The following RP1 variants were observed in gnomAD, a reference collection of about 807,000 sequenced individuals.
The protein encoded by RP1 is oxygen-regulated protein 1.
Under a neutral mutation model 14.8 loss-of-function variants are expected in RP1, and 16 were observed. The observed-to-expected ratio is 1.08, with a 90% CI of 0.73 to 1.65. RP1 has a LOEUF of 1.65. RP1 is among the 40% of genes most tolerant of loss of function. The pLI, the probability that RP1 is intolerant of heterozygous loss-of-function variation, is 0.00. For missense variants in RP1, 2,631 were observed against 2,535.0 expected, an observed-to-expected ratio of 1.04 and a Z score of -0.81; for synonymous variants, 876 against 883.6, an observed-to-expected ratio of 0.99 and a Z score of 0.15.
intron 1 of RP1, among the ~76,000 whole-genome samples, chr8:54,570,398 G>A (rs1012628606): frequency 4.7e-5 from 7 of 149,284 alleles, no homozygotes; most frequent in South Asian, 2.1e-4. Flanking sequence ...GTGTGATCTC[G>A]GCTCACTGCA....
At chr8:54,624,537 G>A (rs1251423867) in intron 3 of RP1, 133 bp from the exon 4 acceptor site, 6 of 792,078 alleles carry the variant, frequency 7.6e-6, no homozygotes, top group South Asian at 1.6e-5. Context: ...CAGAAAATAT[G>A]CTACTTTTCA....
At chr8:54,692,777 C>T (rs1807746745) in intron 12 of RP1, among the ~76,000 whole-genome samples, 1 of 150,954 alleles carries the variant, frequency 6.6e-6, no homozygotes, top group South Asian at 2.1e-4. Flanking sequence ...TGCCTGTTCA[C>T]TCTGATTGTG....
intron 24 of RP1, among the ~76,000 whole-genome samples, chr8:54,790,581 A>C (rs1585694907): frequency 6.6e-6 from 1 of 151,738 alleles, no homozygotes; most frequent in Admixed American, 6.6e-5. Context: ...AAAAAAAGGT[A>C]GACAACTAAA....
downstream of RP1, chr8:54,630,873 G>C (rs1215699225): frequency 1.0e-6 from 1 of 967,836 alleles, no homozygotes; most frequent in Non-Finnish European, 1.2e-6. Flanking sequence ...AGAATATCCA[G>C]TGAAATTGCA....
At chr8:54,658,395 CA>C (rs1217935341) in intron 6 of RP1, among the ~76,000 whole-genome samples, 3 of 150,604 alleles carry the variant, frequency 2.0e-5, no homozygotes, top group African/African-American at 7.4e-5. Context: ...ACTAAAAATA[CA>C]AAAAAATAGC....
intron 23 of RP1, among the ~76,000 whole-genome samples, chr8:54,775,698 A>G (rs977870253): frequency 1.3e-5 from 2 of 152,212 alleles, no homozygotes; most frequent in Non-Finnish European, 2.9e-5. Context: ...AATGATTGTC[A>G]TTGTTTTGCG....
chr8:54,852,852 G>A, intron 26 of RP1: 1 of 659,746 alleles, frequency 1.5e-6, no homozygotes, highest in East Asian at 3.4e-5. Context: ...ATTCAGGGAG[G>A]TGTGGTCATT....
intron 5 of RP1, among the ~76,000 whole-genome samples, chr8:54,655,857 A>AATAC (rs1806744126): frequency 6.6e-6 from 1 of 151,994 alleles, no homozygotes; most frequent in East Asian, 1.9e-4. Context: ...GTCTCAAATA[A>AATAC]ATAAATAAAT....
At chr8:54,613,319 G>T (rs189896544), upstream of RP1, among the ~76,000 whole-genome samples, 10 of 152,266 alleles carry the variant, frequency 6.6e-5, no homozygotes, top group East Asian at 1.9e-3. Flanking sequence ...TCCTGATATA[G>T]TCTGATCTCT....
downstream of RP1, among the ~76,000 whole-genome samples, chr8:54,771,676 A>G (rs966531073): frequency 1.3e-5 from 2 of 152,080 alleles, no homozygotes; most frequent in Admixed American, 1.3e-4. Flanking sequence ...ATACAATGTC[A>G]TTGTGAATGG....
chr8:54,678,564 A>C, intron 9 of RP1: 1 of 1,518,244 alleles, frequency 6.6e-7, no homozygotes, highest in African/African-American at 1.4e-5. Context: ...TACATCGAAA[A>C]AATCCATTTC....
At chr8:54,780,237 G>A in intron 23 of RP1, among the ~76,000 whole-genome samples, 1 of 152,218 alleles carries the variant, frequency 6.6e-6, no homozygotes, top group East Asian at 1.9e-4. Flanking sequence ...ACAAAAACAG[G>A]TGGCAGGCTG....
chr8:54,637,200 T>C (rs1806366188), intron 3 of RP1, among the ~76,000 whole-genome samples: 2 of 152,182 alleles, frequency 1.3e-5, no homozygotes, highest in Non-Finnish European at 2.9e-5. Context: ...AATATCTGGT[T>C]GTCATGAAAT....
upstream of RP1, among the ~76,000 whole-genome samples, chr8:54,612,797 A>C (rs1369813924): frequency 6.6e-6 from 1 of 152,174 alleles, no homozygotes; most frequent in African/African-American, 2.4e-5. Context: ...TACTTCCCAC[A>C]AACCTTTGCA....
chr8:54,693,208 T>G (rs1299546599), intron 12 of RP1, among the ~76,000 whole-genome samples: 1 of 152,224 alleles, frequency 6.6e-6, no homozygotes, highest in Non-Finnish European at 1.5e-5. Context: ...CCATGCCGTT[T>G]TGATTACTGT....
At chr8:54,774,913 T>G (rs929478278), downstream of RP1, among the ~76,000 whole-genome samples, 3 of 152,154 alleles carry the variant, frequency 2.0e-5, no homozygotes, top group African/African-American at 7.2e-5. Flanking sequence ...GAGTATGTCT[T>G]GTTAATCTGA....
chr8:54,657,249 T>A (rs1026889777), intron 6 of RP1, among the ~76,000 whole-genome samples: 1 of 152,192 alleles, frequency 6.6e-6, no homozygotes, highest in African/African-American at 2.4e-5. Flanking sequence ...GCCCTATTCC[T>A]ACCCATTGTT....
chr8:54,836,631 A>C (rs1811663223), intron 24 of RP1, among the ~76,000 whole-genome samples: 1 of 152,166 alleles, frequency 6.6e-6, no homozygotes, highest in Non-Finnish European at 1.5e-5. Context: ...CAGCGTGAAT[A>C]AGCTTGGAAG....
intron 1 of RP1, among the ~76,000 whole-genome samples, chr8:54,595,776 G>C (rs1200164269): frequency 6.6e-6 from 1 of 152,066 alleles, no homozygotes; most frequent in Non-Finnish European, 1.5e-5. Flanking sequence ...TATGTTTTGA[G>C]GATAGCTGTA....
Sources: gnomAD v4.1 joint callset for allele counts (sites outside exome capture counted in the v4.1 genomes callset) on GRCh38, gnomAD v4.1.1 for gene constraint, MANE v1.5 for transcripts, NCBI Gene and HGNC (gene_info 2026-07-23, HGNC 2026-07-21) for gene names.